Variants in RBM17 observed in about 807,000 individuals in gnomAD.
RBM17 encodes the protein splicing factor 45.
In RBM17, 7 loss-of-function variants were observed where a neutral mutation model predicts 53.2. The ratio of observed to expected loss-of-function variants is 0.13; its 90% CI spans 0.07 to 0.25. The LOEUF (loss-of-function observed/expected upper bound fraction) is 0.25, where lower values mean the gene tolerates loss of function less well. Ranked by LOEUF, RBM17 falls within the 10% of genes least tolerant of loss-of-function variation. RBM17 has a pLI of 1.00. For missense variants in RBM17, 257 were observed against 496.7 expected, an observed-to-expected ratio of 0.52 and a Z score of 4.59; for synonymous variants, 167 against 178.1, an observed-to-expected ratio of 0.94 and a Z score of 0.50.
chr10:6,106,433 G>A, intron 5 of RBM17, 195 bp downstream of exon 5: 1 of 493,316 alleles, frequency 2.0e-6, no homozygotes, highest in Admixed American at 3.3e-5. Context: ...TTTCCTTTGA[G>A]CTTCACAACC....
intron 3 of RBM17, 53 bp from the exon 4 acceptor site, chr10:6,104,878 G>T: frequency 6.7e-7 from 1 of 1,503,704 alleles, no homozygotes; most frequent in South Asian, 1.2e-5. Flanking sequence ...AATCCTGTGA[G>T]TAAACTGGTA....
intron 1 of RBM17, among the ~76,000 whole-genome samples, chr10:6,090,929 T>C (rs956566102): frequency 2.1e-5 from 3 of 140,158 alleles, no homozygotes; most frequent in Middle Eastern, 3.3e-3. Context: ...TAAGCTGTAT[T>C]TTTTGCGGAC....
At position 6,089,735 on chromosome 10, in the gene RBM17, G is replaced by T. The variant is rs11256662; in HGVS notation, c.-19+542G>T. The T allele has an allele frequency of 0.039, 5,900 of 152,508 alleles. 209 individuals carry two copies. The highest frequency in any genetic ancestry group is 0.17 in the East Asian group (927 of 5,312). The allele number at this position is 152,508 out of a possible 1,614,324, so 9.4% of individuals were successfully genotyped here. A position where few individuals can be genotyped will look rare whatever the true frequency, so the allele number is the denominator to read the frequency against. ...CGTCGCCTCGGCTCGTGCAGTTTGA[G>T]CGGTGTTTCAGCGCTCACGTCCGAC... On this transcript the variant is annotated intron_variant, in intron 1 of 11. Transcript: ENST00000379888. The surrounding 1 kb of genome is among the most constrained non-coding windows in gnomAD (Gnocchi z 5.6).
intron 5 of RBM17, chr10:6,108,356 A>G: frequency 3.0e-6 from 1 of 332,676 alleles, no homozygotes; most frequent in Non-Finnish European, 5.5e-6. Flanking sequence ...CTCGGTAAAT[A>G]GTTACATTAC....
At chr10:6,108,398 T>G in intron 5 of RBM17, 1 of 425,630 alleles carries the variant, frequency 2.3e-6, no homozygotes, top group Non-Finnish European at 4.2e-6. Flanking sequence ...GTTCTCTTGG[T>G]TGTATTGTTT....
At chr10:6,095,713 T>A (rs2132939343) in intron 1 of RBM17, among the ~76,000 whole-genome samples, 1 of 152,280 alleles carries the variant, frequency 6.6e-6, no homozygotes, top group African/African-American at 2.4e-5. Context: ...GGTGCTGACT[T>A]CAGGCAGGGA....
In RBM17 at chr10:6,115,287, G is replaced by C; in HGVS notation, c.1078G>C (p.Glu360Gln). Residue 360 changes from glutamate (E) to glutamine (Q), a missense_variant, in exon 11 of 12, where the codon GAG (glutamate) becomes CAG (glutamine). Coordinates refer to ENST00000379888, the MANE Select transcript of RBM17 (RefSeq NM_032905.5). ...DEAVRIFLEFERVESAIKAVV... is the reference protein window; with the variant it reads ...DEAVRIFLEFQRVESAIKAVV... Reference sequence around the variant, plus strand: ...AGCAGTACGGATATTTTTAGAATTTGAGAGAGTTGAATCAGCAATTAAAGG... The same window carrying C: ...AGCAGTACGGATATTTTTAGAATTTCAGAGAGTTGAATCAGCAATTAAAGG... 6.2e-7 allele frequency: 1 copy of C among 1,613,656 alleles called. No homozygotes were observed. Among genetic ancestry groups the C allele is most frequent in the Non-Finnish European group, 8.5e-7 (1 of 1,179,706 alleles).
chr10:6,093,951 A>T (rs1304580095), intron 1 of RBM17, among the ~76,000 whole-genome samples: 1 of 151,046 alleles, frequency 6.6e-6, no homozygotes, highest in Non-Finnish European at 1.5e-5. Context: ...GACCCATCAC[A>T]TGAAGTCAAG....
chr10:6,098,563 G>GTGTTTTTTTTTTTTT (rs1554834988), intron 2 of RBM17, among the ~76,000 whole-genome samples: 6 of 46,664 alleles, frequency 1.3e-4, no homozygotes, highest in Non-Finnish European at 1.8e-4. Context: ...CAGGTTTTTT[G>GTGTTTTTTTTTTTTT]TTTTTTTTTT....
intron 3 of RBM17, 57 bp from the exon 4 acceptor site, chr10:6,104,874 G>A: frequency 6.8e-7 from 1 of 1,473,216 alleles, no homozygotes; most frequent in Admixed American, 1.8e-5. Context: ...CCTGAATCCT[G>A]TGAGTAAACT....
In RBM17 at chr10:6,112,069, T is replaced by G; in HGVS notation, c.705-141T>G. The G allele has an allele frequency of 1.4e-6, 1 of 722,420 alleles. No homozygotes were observed. The highest frequency in any genetic ancestry group is 2.3e-6 in the Non-Finnish European group (1 of 439,080). 44.8% of individuals were successfully genotyped at this position (722,420 alleles called of 1,614,324 possible). On this transcript the variant is annotated intron_variant, in intron 7 of 11. Coordinates refer to ENST00000379888, the MANE Select transcript of RBM17 (RefSeq NM_032905.5). This position sits in a 1 kb window ranked among gnomAD's most constrained non-coding sequence, Gnocchi z 4.4. ...CCACAGCTTCCATCTAATAGCCCAC[T>G]CCTAGTTAATGAGTGACTTTGTTGA...
intron 7 of RBM17, among the ~76,000 whole-genome samples, chr10:6,111,941 A>C (rs149273622): frequency 6.6e-6 from 1 of 152,314 alleles, no homozygotes; most frequent in East Asian, 1.9e-4. Context: ...CTAGCAGGGC[A>C]CTGAGGAGAC....
chr10:6,094,880 G>A (rs1840549255), intron 1 of RBM17, among the ~76,000 whole-genome samples: 2 of 152,154 alleles, frequency 1.3e-5, no homozygotes, highest in Admixed American at 1.3e-4. Context: ...ACTGCAGTTT[G>A]GCCTCATTTC....
chr10:6,100,104 T>G (rs1253483974), intron 2 of RBM17, among the ~76,000 whole-genome samples: 1 of 152,232 alleles, frequency 6.6e-6, no homozygotes, highest in Non-Finnish European at 1.5e-5. Context: ...TTCCGTTCTG[T>G]AAACTTTCGT....
intron 2 of RBM17, among the ~76,000 whole-genome samples, chr10:6,100,988 C>T (rs117511769): frequency 6.6e-6 from 1 of 152,120 alleles, no homozygotes; most frequent in East Asian, 1.9e-4. Flanking sequence ...GATTCTATAT[C>T]CTAGTAGGAG....
At position 6,112,100 on chromosome 10, in the gene RBM17, C is replaced by T. The variant is rs746979823; in HGVS notation, c.705-110C>T. The T allele has an allele frequency of 5.9e-5, 65 of 1,100,562 alleles. No individual in the cohort carries two copies. Among genetic ancestry groups the T allele is most frequent in the Non-Finnish European group, 7.9e-5 (60 of 758,126 alleles). 68.2% of individuals were successfully genotyped at this position (1,100,562 alleles called of 1,614,324 possible). A position where few individuals can be genotyped will look rare whatever the true frequency, so the allele number is the denominator to read the frequency against. ...TTAATGAGTGACTTTGTTGAAGCCCCTGTGGAGCATGCACTCTCTCCAGAA... is the reference window on the plus strand; with the variant it reads ...TTAATGAGTGACTTTGTTGAAGCCCTTGTGGAGCATGCACTCTCTCCAGAA... On this transcript the variant is annotated intron_variant, in intron 7 of 11. Transcript: ENST00000379888. The surrounding 1 kb of genome is among the most constrained non-coding windows in gnomAD (Gnocchi z 4.4).
intron 10 of RBM17, chr10:6,114,887 T>G (rs766159159): frequency 8.4e-5 from 19 of 226,584 alleles, no homozygotes; most frequent in Non-Finnish European, 1.5e-4. Context: ...GAAAGGCCAC[T>G]AGGGCACCAG....
At chr10:6,108,162 A>C (rs905683632) in intron 5 of RBM17, among the ~76,000 whole-genome samples, 1 of 152,194 alleles carries the variant, frequency 6.6e-6, no homozygotes, top group Non-Finnish European at 1.5e-5. Context: ...TGCACACTGG[A>C]AAAGGAGCGT....
rs577153273 is a variant in RBM17 at position 6,100,620 on chromosome 10, G to A, written c.124-651G>A. ...GGGAAGAGGGACTGTTCTTAATCAA[G>A]ACACTTAAAAACCAAAAGCATTTCA... On this transcript the variant is annotated intron_variant, in intron 2 of 11. Coordinates refer to ENST00000379888, the MANE Select transcript of RBM17 (RefSeq NM_032905.5). 7.2e-5 allele frequency among the ~76,000 whole-genome samples: 11 copies of A among 152,194 alleles called. No individual in the cohort carries two copies. The South Asian group carries it at 2.3e-3, about 32-fold the overall frequency.
Sources: allele counts gnomAD v4.1 joint callset (sites outside exome capture counted in the v4.1 genomes callset), GRCh38; gene constraint gnomAD v4.1.1; non-coding constraint Gnocchi (gnomAD v3.1); transcripts MANE v1.5; gene names NCBI Gene and HGNC (gene_info 2026-07-23, HGNC 2026-07-21).